LRBA: variants seen among roughly 807,000 people sequenced by gnomAD.
The protein encoded by LRBA is lipopolysaccharide-responsive and beige-like anchor protein.
A neutral mutation model predicts 330.0 loss-of-function variants in LRBA; 176 were observed. That is an observed-to-expected ratio of 0.53 (90% CI 0.47 to 0.60). The LOEUF (loss-of-function observed/expected upper bound fraction) is 0.60. Ranked by LOEUF, LRBA falls within the 20% of genes least tolerant of loss-of-function variation. LRBA has a pLI of 0.00. For synonymous variants in LRBA, 1,230 were observed against 1,193.0 expected (o/e 1.03, Z -0.64); for missense variants, 3,259 against 3,444.8 (o/e 0.95, Z 1.35).
chr4:150,502,189 C>T (rs2152118949), intron 40 of LRBA, among the ~76,000 whole-genome samples: 2 of 152,316 alleles, frequency 1.3e-5, no homozygotes, highest in South Asian at 4.2e-4. Context: ...ATGAACAGTA[C>T]TCAGAGCTCA....
rs1289189942 is a variant in LRBA at position 150,848,777 on chromosome 4, A to G, written c.4339+41T>C. 3 of 1,519,248 alleles carry G rather than the reference A, an allele frequency of 2.0e-6. No individual in the cohort carries two copies. In the African/African-American group the frequency reaches 4.2e-5, roughly 21 times the overall value. The allele number at this position is 1,519,248 out of a possible 1,614,324, so 94.1% of individuals were successfully genotyped here. A position where few individuals can be genotyped will look rare whatever the true frequency, so the allele number is the denominator to read the frequency against. On this transcript the variant is annotated intron_variant, in intron 26 of 56. Coordinates refer to ENST00000651943, the MANE Select transcript of LRBA (RefSeq NM_001364905.1). Reference sequence around the variant, plus strand: ...CAATGTCATCTCTGAATTACTGAAAAATTTTTTTTAGTAAATTCCCAACGG... The same window carrying G: ...CAATGTCATCTCTGAATTACTGAAAGATTTTTTTTAGTAAATTCCCAACGG...
chr4:150,917,759 T>G (rs1227356682), intron 5 of LRBA, among the ~76,000 whole-genome samples: 1 of 152,004 alleles, frequency 6.6e-6, no homozygotes, highest in African/African-American at 2.4e-5. Flanking sequence ...AAACCCTGCC[T>G]CTACTAAAAA....
At chr4:150,808,197 G>A (rs1743084056) in intron 32 of LRBA, 123 bp downstream of exon 32, 1 of 645,850 alleles carries the variant, frequency 1.5e-6, no homozygotes. Flanking sequence ...GCCTCTAAAT[G>A]TCATATATGT....
chr4:150,499,614 G>C (rs972021140), intron 40 of LRBA, among the ~76,000 whole-genome samples: 5 of 152,034 alleles, frequency 3.3e-5, no homozygotes, highest in African/African-American at 1.2e-4. Flanking sequence ...CTGTACTTCA[G>C]GTTGGGCAAC....
chr4:150,765,762 G>T (rs2126496439), intron 34 of LRBA, among the ~76,000 whole-genome samples: 1 of 152,008 alleles, frequency 6.6e-6, no homozygotes, highest in South Asian at 2.1e-4. Context: ...GCAGGTAAAG[G>T]GTAAACATCA....
chr4:150,812,975 G>A (rs1305860178), intron 31 of LRBA, among the ~76,000 whole-genome samples: 2 of 151,920 alleles, frequency 1.3e-5, no homozygotes, highest in African/African-American at 2.4e-5. Context: ...CTGGGCAATA[G>A]AACAAGACTC....
chr4:150,482,822 T>C (rs1757439240), intron 42 of LRBA, among the ~76,000 whole-genome samples: 1 of 152,154 alleles, frequency 6.6e-6, no homozygotes, highest in South Asian at 2.1e-4. Context: ...TATCTATATC[T>C]ATTCTTTGTT....
At chr4:150,533,210 G>C (rs1764239004) in intron 40 of LRBA, among the ~76,000 whole-genome samples, 1 of 151,858 alleles carries the variant, frequency 6.6e-6, no homozygotes, top group African/African-American at 2.4e-5. Flanking sequence ...TTTGAGACAG[G>C]GTCTCAGTCA....
intron 2 of LRBA, among the ~76,000 whole-genome samples, chr4:150,994,112 C>T (rs1742390719): frequency 1.3e-5 from 2 of 151,518 alleles, no homozygotes; most frequent in Admixed American, 1.3e-4. Flanking sequence ...AATATATTGC[C>T]CCAAAGAAAC....
intron 47 of LRBA, among the ~76,000 whole-genome samples, chr4:150,413,590 GACA>G (rs1747320252): frequency 6.6e-6 from 1 of 152,066 alleles, no homozygotes; most frequent in African/African-American, 2.4e-5. Flanking sequence ...GCAAAACAGA[GACA>G]GAATCAGTGA....
chr4:150,852,934 C>A lies in LRBA; in HGVS notation c.2776G>T (p.Glu926Ter). 6.4e-7 allele frequency: 1 copy of A among 1,554,744 alleles called. No homozygotes were observed. Among genetic ancestry groups the A allele is most frequent in the Non-Finnish European group, 8.7e-7 (1 of 1,152,440 alleles). ...LSITHSKVTFEIHKENLANIF... is the reference protein window; with the variant it reads ...LSITHSKVTF ...TTGGCAAGGTTTTCTTTGTGTATTT[C>A]AAAAGTGACCTAGGTGAAAAATGTA... The change falls in exon 23 of 57, where the codon GAA becomes TAA. Residue 926 changes from glutamate to a stop codon, truncating the protein, a stop_gained. Coordinates refer to ENST00000651943, the MANE Select transcript of LRBA (RefSeq NM_001364905.1). LOFTEE classifies it high-confidence loss of function.
intron 44 of LRBA, among the ~76,000 whole-genome samples, chr4:150,466,107 G>T (rs762507544): frequency 3.3e-5 from 5 of 152,010 alleles, no homozygotes; most frequent in Non-Finnish European, 7.4e-5. Context: ...CAGAAGACGT[G>T]GTAATAAAAC....
chr4:150,865,682 C>T (rs936162615), intron 22 of LRBA, among the ~76,000 whole-genome samples: 1 of 151,232 alleles, frequency 6.6e-6, no homozygotes, highest in Admixed American at 6.6e-5. Flanking sequence ...TATTCAAATA[C>T]CTAGAAACAT....
At chr4:151,010,085 T>C (rs182797149) in intron 2 of LRBA, among the ~76,000 whole-genome samples, 31 of 152,272 alleles carry the variant, frequency 2.0e-4, no homozygotes, top group African/African-American at 7.0e-4. Flanking sequence ...TACCATTTTA[T>C]ATAAGAGACT....
intron 47 of LRBA, among the ~76,000 whole-genome samples, chr4:150,383,763 G>A (rs902877646): frequency 1.3e-5 from 2 of 151,996 alleles, no homozygotes; most frequent in Non-Finnish European, 2.9e-5. Context: ...TTAACAAAAT[G>A]CAAGTAGCAA....
At chr4:150,592,112 G>A (rs935492120) in intron 38 of LRBA, among the ~76,000 whole-genome samples, 2 of 147,352 alleles carry the variant, frequency 1.4e-5, no homozygotes, top group Admixed American at 1.3e-4. Context: ...TACCCAGGCT[G>A]CGGCTTTTGA....
chr4:150,446,703 C>T (rs17504602), intron 44 of LRBA, among the ~76,000 whole-genome samples: 33,245 of 152,076 alleles, frequency 0.22, 4,427 homozygotes, highest in Non-Finnish European at 0.3. Flanking sequence ...ATCCACTAGT[C>T]GAATAAAACG....
chr4:150,393,609 C>A (rs1235160962), intron 47 of LRBA, among the ~76,000 whole-genome samples: 1 of 152,048 alleles, frequency 6.6e-6, no homozygotes, highest in Non-Finnish European at 1.5e-5. Context: ...CTCAGCCTCC[C>A]TAGTAGCTGG....
chr4:150,713,056 C>A (rs1242554605), intron 36 of LRBA, among the ~76,000 whole-genome samples: 2 of 152,046 alleles, frequency 1.3e-5, no homozygotes, highest in East Asian at 3.9e-4. Flanking sequence ...CCCACCTCAG[C>A]CTCCCAAGCA....
Sources: gnomAD v4.1 joint callset for allele counts (sites outside exome capture counted in the v4.1 genomes callset) on GRCh38, gnomAD v4.1.1 for gene constraint, MANE v1.5 for transcripts, NCBI Gene and HGNC (gene_info 2026-07-23, HGNC 2026-07-21) for gene names.